Variants in ABLIM1 observed in about 807,000 individuals in gnomAD.
ABLIM1 encodes the protein actin binding LIM protein 1, also known as actin-binding LIM protein 1.
A neutral mutation model predicts 107.0 loss-of-function variants in ABLIM1; 40 were observed. That is an observed-to-expected ratio of 0.37 (90% confidence interval 0.29 to 0.49). The LOEUF (loss-of-function observed/expected upper bound fraction) is 0.49. Among genes scored for constraint, ABLIM1 ranks in the 20% least tolerant of loss-of-function variants. The pLI is 0.97. For missense variants in ABLIM1, 857 were observed against 1,008.5 expected (o/e 0.85, Z 2.04); for synonymous variants, 357 against 357.3 (o/e 1.00, Z 0.01).
At chr10:114,466,496 C>G (rs1024534849) in intron 11 of ABLIM1, among the ~76,000 whole-genome samples, 4 of 152,118 alleles carry the variant, frequency 2.6e-5, no homozygotes, top group South Asian at 4.2e-4. Flanking sequence ...CTCCCTCCCC[C>G]ACTAATGTAG....
At chr10:114,526,113 T>A (rs1254313223) in intron 6 of ABLIM1, among the ~76,000 whole-genome samples, 1 of 152,184 alleles carries the variant, frequency 6.6e-6, no homozygotes, top group Non-Finnish European at 1.5e-5. Flanking sequence ...ATGAATAACA[T>A]CTAAACATTT....
At position 114,766,853 on chromosome 10, in the gene ABLIM1, T is replaced by C. The variant is rs962274338; in HGVS notation, c.-213+1208A>G. 2.0e-5 allele frequency among the ~76,000 whole-genome samples: 3 copies of C among 152,210 alleles called. No homozygotes were observed. The East Asian group carries it at 5.8e-4, about 29-fold the overall frequency. ...GTGTTATCTGTTCCATGCTCTTTTT[T>C]CGTTCTCTAATATACGTGAATAATT... On this transcript the variant is annotated intron_variant, in intron 1 of 15. Coordinates refer to the ABLIM1 transcript ENST00000651092.
the ABLIM1 span, among the ~76,000 whole-genome samples, chr10:114,789,820 C>T: frequency 1.3e-5 from 2 of 148,528 alleles, no homozygotes; most frequent in African/African-American, 5.0e-5. Flanking sequence ...TACAGAGTCT[C>T]ACTCTATCCC....
intron 1 of ABLIM1, among the ~76,000 whole-genome samples, chr10:114,713,488 C>A (rs2081596032): frequency 6.6e-6 from 1 of 152,134 alleles, no homozygotes; most frequent in African/African-American, 2.4e-5. Context: ...AAGGGAAAAT[C>A]AAAAACAGGG....
chr10:114,642,823 A>T (rs1350956852), intron 1 of ABLIM1, among the ~76,000 whole-genome samples: 4 of 152,198 alleles, frequency 2.6e-5, no homozygotes, highest in Admixed American at 2.0e-4. Context: ...AAAAAGAGAA[A>T]AACTCAGGCT....
intron 2 of ABLIM1, among the ~76,000 whole-genome samples, chr10:114,598,927 T>C (rs535627575): frequency 6.6e-6 from 1 of 152,276 alleles, no homozygotes; most frequent in Admixed American, 6.5e-5. Flanking sequence ...GCTTGCATGA[T>C]ATTTCTACCT....
chr10:114,563,912 G>C lies in ABLIM1; in HGVS notation c.673+7385C>G, dbSNP rs7923773. 6.8e-3 allele frequency among the ~76,000 whole-genome samples: 983 copies of C among 143,898 alleles called. 13 individuals carry two copies. Among genetic ancestry groups the C allele is most frequent in the African/African-American group, 0.025 (938 of 38,200 alleles). The allele number at this position is 143,898 out of a possible 152,430, so 94.4% of individuals were successfully genotyped here. On this transcript the variant is annotated intron_variant, in intron 4 of 22. Transcript: ENST00000533213. ...GCCTGGAACACAGTAGGTGCTCAATGAGATGTTTGTTGAACGAGTGAATGG... is the reference window on the plus strand; with the variant it reads ...GCCTGGAACACAGTAGGTGCTCAATCAGATGTTTGTTGAACGAGTGAATGG...
the ABLIM1 span, among the ~76,000 whole-genome samples, chr10:114,774,262 C>T: frequency 6.6e-6 from 1 of 152,026 alleles, no homozygotes; most frequent in Non-Finnish European, 1.5e-5. Context: ...AACAGGCAGC[C>T]CAGGACAGTG....
chr10:114,526,199 A>G (rs1166350488), intron 6 of ABLIM1, among the ~76,000 whole-genome samples: 1 of 152,162 alleles, frequency 6.6e-6, no homozygotes, highest in African/African-American at 2.4e-5. Context: ...AGCTAAATCT[A>G]CTCATTCCCA....
At chr10:114,671,881 G>A (rs2080270670) in intron 1 of ABLIM1, among the ~76,000 whole-genome samples, 1 of 151,528 alleles carries the variant, frequency 6.6e-6, no homozygotes, top group South Asian at 2.1e-4. Context: ...TTTTTTTTTA[G>A]AGACAGGTTC....
chr10:114,677,604 C>T (rs937432245), intron 1 of ABLIM1, among the ~76,000 whole-genome samples: 2 of 152,104 alleles, frequency 1.3e-5, no homozygotes, highest in African/African-American at 4.8e-5. Flanking sequence ...AAAACCCCGT[C>T]TCTACCAAAA....
chr10:114,606,715 CT>C (rs2076440890), intron 1 of ABLIM1, among the ~76,000 whole-genome samples: 2 of 152,194 alleles, frequency 1.3e-5, no homozygotes, highest in African/African-American at 4.8e-5. Context: ...TCTTCTCTAT[CT>C]CATTTCACTC....
intron 10 of ABLIM1, among the ~76,000 whole-genome samples, chr10:114,472,215 C>T (rs1474693758): frequency 6.6e-6 from 1 of 152,144 alleles, no homozygotes; most frequent in Non-Finnish European, 1.5e-5. Flanking sequence ...TCTATCATCA[C>T]CCTATCTGTT....
intron 6 of ABLIM1, among the ~76,000 whole-genome samples, chr10:114,531,154 G>A (rs1003693904): frequency 2.0e-5 from 3 of 152,242 alleles, no homozygotes; most frequent in Non-Finnish European, 4.4e-5. Flanking sequence ...ACATCAGAGA[G>A]TAAACAGAGA....
At chr10:114,484,848 C>T (rs544557592) in intron 8 of ABLIM1, among the ~76,000 whole-genome samples, 13 of 152,336 alleles carry the variant, frequency 8.5e-5, no homozygotes, top group East Asian at 3.9e-4. Flanking sequence ...TCCCAGGAAG[C>T]GACCCTGGAA....
chr10:114,684,705 G>T (rs987180766), exon 1 of ABLIM1: 5 of 1,057,604 alleles, frequency 4.7e-6, no homozygotes, highest in Non-Finnish European at 3.4e-6. Context: ...ATTAGAACAC[G>T]CCAAGAATGT....
At chr10:114,771,182 G>C (rs770330468), upstream of ABLIM1, among the ~76,000 whole-genome samples, 26 of 152,084 alleles carry the variant, frequency 1.7e-4, no homozygotes, top group Non-Finnish European at 1.9e-4. Context: ...CAATAGTTCT[G>C]GTTCTTATAA....
rs114776236 is a variant in ABLIM1, at chr10:114,563,782, G to A, written c.673+7515C>T. ...AATCACTTGAACCTGGCAGGCGGAA[G>A]TCGCAGTGAGCCAAGATTGCACCAC... On this transcript the variant is annotated intron_variant, in intron 4 of 22. Coordinates refer to ENST00000533213, the MANE Select transcript of ABLIM1 (RefSeq NM_002313.7). Among the ~76,000 whole-genome samples the A allele has an allele frequency of 2.3e-3, 334 of 146,536 alleles. 2 individuals carry two copies. The highest frequency in any genetic ancestry group is 8.2e-3 in the African/African-American group (323 of 39,244).
chr10:114,524,734 G>A (rs2064366846), intron 6 of ABLIM1, among the ~76,000 whole-genome samples: 1 of 152,184 alleles, frequency 6.6e-6, no homozygotes, highest in South Asian at 2.1e-4. Flanking sequence ...ATTGAAAGAA[G>A]TTTGACTACT....
Sources: allele counts gnomAD v4.1 joint callset (sites outside exome capture counted in the v4.1 genomes callset), GRCh38; gene constraint gnomAD v4.1.1; transcripts MANE v1.5; gene names NCBI Gene and HGNC (gene_info 2026-07-23, HGNC 2026-07-21).